The following UST variants were observed in gnomAD, a reference collection of about 807,000 sequenced individuals.
The protein encoded by UST is uronyl 2-sulfotransferase.
Under a neutral mutation model 45.6 loss-of-function variants are expected in UST, and 21 were observed. That is an observed-to-expected ratio of 0.46 (90% CI 0.33 to 0.66). The LOEUF is 0.66. Ranked by LOEUF, UST falls within the 30% of genes least tolerant of loss-of-function variation. The pLI is 0.02. For synonymous variants in UST, 215 were observed against 200.6 expected (o/e 1.07, Z -0.61); for missense variants, 463 against 512.4 (o/e 0.90, Z 0.93).
At chr6:148,927,966 A>G (rs142585177) in intron 2 of UST, among the ~76,000 whole-genome samples, 510 of 152,358 alleles carry the variant, frequency 3.3e-3, no homozygotes, top group Admixed American at 6.9e-3. Flanking sequence ...TTTGATAGAC[A>G]TAAGCAGCTC....
chr6:148,749,325 C>A (rs1167932540), intron 1 of UST, among the ~76,000 whole-genome samples: 1 of 152,176 alleles, frequency 6.6e-6, no homozygotes, highest in Admixed American at 6.5e-5. Context: ...TGTTAACAGG[C>A]ATTGGGAGGC....
intron 5 of UST, among the ~76,000 whole-genome samples, chr6:148,997,126 G>T (rs1176876608): frequency 2.0e-5 from 3 of 152,176 alleles, no homozygotes; most frequent in Non-Finnish European, 4.4e-5. Flanking sequence ...ATGAACTGGG[G>T]TTTATGTTGG....
At chr6:148,919,411 C>G (rs1779655763) in intron 2 of UST, among the ~76,000 whole-genome samples, 1 of 127,500 alleles carries the variant, frequency 7.8e-6, no homozygotes, top group African/African-American at 3.3e-5. Flanking sequence ...TGCTCAGTGT[C>G]AGAGCCGTGT....
chr6:148,902,511 C>T (rs1779280349), intron 2 of UST, among the ~76,000 whole-genome samples: 2 of 151,870 alleles, frequency 1.3e-5, no homozygotes, highest in Non-Finnish European at 2.9e-5. Flanking sequence ...GCTAGGATTA[C>T]AGGCATGAGC....
At chr6:148,789,471 A>G (rs1776799032) in intron 1 of UST, among the ~76,000 whole-genome samples, 1 of 151,712 alleles carries the variant, frequency 6.6e-6, no homozygotes, top group South Asian at 2.1e-4. Flanking sequence ...ACACACACAC[A>G]CACACACACA....
chr6:149,030,464 A>G (rs1302905442), intron 7 of UST, among the ~76,000 whole-genome samples: 1 of 126,280 alleles, frequency 7.9e-6, no homozygotes, highest in Non-Finnish European at 1.7e-5. Context: ...CAACAGCAAG[A>G]TCCTGTTTCT....
intron 7 of UST, among the ~76,000 whole-genome samples, chr6:149,060,650 A>G (rs972399753): frequency 6.6e-6 from 1 of 152,164 alleles, no homozygotes; most frequent in Non-Finnish European, 1.5e-5. Context: ...GAGTACACCG[A>G]CGGTACTTCC....
intron 1 of UST, among the ~76,000 whole-genome samples, chr6:148,812,716 G>A (rs1777282215): frequency 6.6e-6 from 1 of 152,162 alleles, no homozygotes; most frequent in Admixed American, 6.5e-5. Flanking sequence ...GAGAGAGAGA[G>A]CCCTCAAATG....
chr6:148,936,266 T>C (rs1420684042), intron 2 of UST, among the ~76,000 whole-genome samples: 1 of 152,060 alleles, frequency 6.6e-6, no homozygotes, highest in African/African-American at 2.4e-5. Context: ...ATGGGGGTGA[T>C]AGAGGGTGAT....
chr6:148,972,763 T>C (rs886284323), intron 5 of UST, among the ~76,000 whole-genome samples: 5 of 152,246 alleles, frequency 3.3e-5, no homozygotes, highest in African/African-American at 1.2e-4. Context: ...GGCTAACATT[T>C]ATTAAGGCGG....
At chr6:148,776,370 C>T (rs140007798) in intron 1 of UST, among the ~76,000 whole-genome samples, 5 of 152,230 alleles carry the variant, frequency 3.3e-5, no homozygotes, top group African/African-American at 4.8e-5. Context: ...GAAGTGTTTG[C>T]GGTGGATTTT....
intron 3 of UST, among the ~76,000 whole-genome samples, chr6:148,949,755 G>A (rs1780328080): frequency 6.6e-6 from 1 of 152,082 alleles, no homozygotes; most frequent in South Asian, 2.1e-4. Flanking sequence ...CCTTGAGTAG[G>A]CTTTCTAGGG....
In UST at chr6:149,021,334, G is replaced by A; in HGVS notation, c.790G>A (p.Glu264Lys). Residue 264 changes from glutamate (E) to lysine (K), a missense_variant, in exon 7 of 8, where the codon GAA becomes AAA. This residue lies in a region of UST where 287 missense variants were observed against 374.2 expected (regional missense o/e 0.77). Transcript: ENST00000367463. Reference sequence around the variant, plus strand: ...TTTATATCCATAAAGGGAGCCTGGTGAATGGGCCCTTGAGAGAGCAAAGCT... The same window carrying A: ...TTTATATCCATAAAGGGAGCCTGGTAAATGGGCCCTTGAGAGAGCAAAGCT... ...GQHPRCREPG[E>K]WALERAKLNV... 6.2e-7 allele frequency: 1 copy of A among 1,612,382 alleles called. No individual in the cohort carries two copies. Among genetic ancestry groups the A allele is most frequent in the Non-Finnish European group, 8.5e-7 (1 of 1,179,056 alleles).
chr6:149,019,999 A>G (rs1775955745), intron 6 of UST, among the ~76,000 whole-genome samples: 2 of 152,204 alleles, frequency 1.3e-5, no homozygotes, highest in Non-Finnish European at 2.9e-5. Context: ...ATGAAGCATT[A>G]TATTTGCTTG....
chr6:148,957,373 A>C (rs1469340364), intron 4 of UST, among the ~76,000 whole-genome samples: 1 of 152,216 alleles, frequency 6.6e-6, no homozygotes. Context: ...AGCTTTATCT[A>C]AGGAAAATTT....
chr6:149,016,083 C>T (rs973714228), intron 5 of UST, among the ~76,000 whole-genome samples: 35 of 152,168 alleles, frequency 2.3e-4, no homozygotes, highest in Admixed American at 2.2e-3. Flanking sequence ...CTGGATCTTC[C>T]GGTCCAGTCA....
intron 5 of UST, among the ~76,000 whole-genome samples, chr6:148,988,904 C>T (rs1053022158): frequency 2.0e-5 from 3 of 152,268 alleles, no homozygotes; most frequent in Middle Eastern, 3.4e-3. Context: ...GCAGAAACTC[C>T]AAGTCTGTCA....
chr6:148,837,104 G>GAT (rs1475608939), intron 1 of UST, among the ~76,000 whole-genome samples: 3 of 152,078 alleles, frequency 2.0e-5, no homozygotes, highest in Admixed American at 6.5e-5. Flanking sequence ...CAGTACACCT[G>GAT]ATATATATAC....
intron 5 of UST, among the ~76,000 whole-genome samples, chr6:148,987,545 T>G (rs1781261371): frequency 6.6e-6 from 1 of 152,186 alleles, no homozygotes; most frequent in Non-Finnish European, 1.5e-5. Context: ...GCCTTGAAGC[T>G]TCCTTCCAGA....
Sources: gnomAD v4.1 joint callset for allele counts (sites outside exome capture counted in the v4.1 genomes callset) on GRCh38, gnomAD v4.1.1 for gene constraint, gnomAD v4.1.1 regional missense constraint, MANE v1.5 for transcripts, NCBI Gene and HGNC (gene_info 2026-07-23, HGNC 2026-07-21) for gene names.